ADAMTSL1: variants seen among roughly 807,000 people sequenced by gnomAD.
ADAMTSL1 encodes the protein ADAMTS like 1.
In ADAMTSL1, 126 loss-of-function variants were observed where a neutral mutation model predicts 201.8. The ratio of observed to expected loss-of-function variants is 0.62; its 90% CI spans 0.54 to 0.72. The LOEUF is 0.72. Among genes scored for constraint, ADAMTSL1 ranks in the 30% least tolerant of loss-of-function variants. ADAMTSL1 has a pLI of 0.00. For missense variants in ADAMTSL1, 2,679 were observed against 2,277.8 expected, an observed-to-expected ratio of 1.18 and a Z score of -3.59; for synonymous variants, 1,121 against 903.4, an observed-to-expected ratio of 1.24 and a Z score of -4.32.
intron 1 of ADAMTSL1, among the ~76,000 whole-genome samples, chr9:17,923,335 TCTC>T (rs1826383984): frequency 1.4e-5 from 2 of 144,086 alleles, no homozygotes; most frequent in African/African-American, 5.2e-5. Flanking sequence ...GGTTTGTAGT[TCTC>T]CTTGAAGAGG....
intron 2 of ADAMTSL1, among the ~76,000 whole-genome samples, chr9:18,512,537 T>A (rs2131978551): frequency 6.6e-6 from 1 of 152,290 alleles, no homozygotes; most frequent in East Asian, 1.9e-4. Context: ...ATTTATTGAA[T>A]ACCTACTATG....
intron 2 of ADAMTSL1, among the ~76,000 whole-genome samples, chr9:18,219,192 C>T (rs1830161667): frequency 6.6e-6 from 1 of 151,770 alleles, no homozygotes; most frequent in Admixed American, 6.6e-5. Flanking sequence ...TTTAACTCTT[C>T]AATTTGGATT....
chr9:18,896,350 A>G (rs1420972938), intron 26 of ADAMTSL1, among the ~76,000 whole-genome samples: 1 of 152,190 alleles, frequency 6.6e-6, no homozygotes, highest in Non-Finnish European at 1.5e-5. Context: ...GAAATTCTCA[A>G]TAACTTTATA....
At chr9:18,338,296 T>A (rs4354407) in intron 2 of ADAMTSL1, among the ~76,000 whole-genome samples, 32,870 of 152,012 alleles carry the variant, frequency 0.22, 4,219 homozygotes, top group Admixed American at 0.41. Flanking sequence ...ACAGATGAAT[T>A]TCCCACATGA....
chr9:18,437,290 C>T (rs1819781276), intron 2 of ADAMTSL1, among the ~76,000 whole-genome samples: 1 of 152,078 alleles, frequency 6.6e-6, no homozygotes, highest in Non-Finnish European at 1.5e-5. Context: ...CAAATAGTCA[C>T]CATGGCCTGT....
At chr9:18,199,970 AT>A (rs1397449504) in intron 2 of ADAMTSL1, among the ~76,000 whole-genome samples, 4 of 152,068 alleles carry the variant, frequency 2.6e-5, no homozygotes, top group African/African-American at 9.7e-5. Flanking sequence ...CTCCAAGCTA[AT>A]TATAGCTTGT....
At chr9:18,890,513 C>T in intron 25 of ADAMTSL1, 1 of 456,030 alleles carries the variant, frequency 2.2e-6, no homozygotes, top group Non-Finnish European at 4.4e-6. Flanking sequence ...ATCTGTAGGA[C>T]TTTCATACAA....
chr9:18,678,228 C>A (rs1483631492), intron 10 of ADAMTSL1, among the ~76,000 whole-genome samples: 1 of 152,064 alleles, frequency 6.6e-6, no homozygotes, highest in Non-Finnish European at 1.5e-5. Flanking sequence ...CCAAAAGAGG[C>A]TAAATGTATG....
chr9:18,438,322 T>C (rs1819841668), intron 2 of ADAMTSL1, among the ~76,000 whole-genome samples: 1 of 151,964 alleles, frequency 6.6e-6, no homozygotes, highest in Admixed American at 6.6e-5. Context: ...CTGGTGAAAA[T>C]GGAGCTCCTC....
At chr9:18,161,547 A>G (rs1227268771) in intron 1 of ADAMTSL1, among the ~76,000 whole-genome samples, 1 of 152,084 alleles carries the variant, frequency 6.6e-6, no homozygotes, top group Non-Finnish European at 1.5e-5. Context: ...GAACATGTCA[A>G]TTCTGGATTA....
rs112539146 is a variant in ADAMTSL1, at chr9:18,547,974, GA to G, written c.237+14689del. Among the ~76,000 whole-genome samples, 464 of 151,478 alleles carry G rather than the reference GA, an allele frequency of 3.1e-3. 3 individuals are homozygous for G. The highest frequency in any genetic ancestry group is 0.01 in the African/African-American group (431 of 41,328). On this transcript the variant is annotated intron_variant, in intron 3 of 28. Transcript: ENST00000380548. Reference sequence around the variant, plus strand: ...TGCAAATAAAAATTCCAAAACATAGGAAAAAAATATATATATAATACCAAGA... The same window carrying G: ...TGCAAATAAAAATTCCAAAACATAGGAAAAAATATATATATAATACCAAGA...
chr9:18,731,056 G>A (rs1432847578), intron 15 of ADAMTSL1, among the ~76,000 whole-genome samples: 1 of 152,096 alleles, frequency 6.6e-6, no homozygotes, highest in Non-Finnish European at 1.5e-5. Flanking sequence ...ATCTCAGCAT[G>A]GTTTTTCTTT....
chr9:18,694,658 C>A (rs960258093), intron 13 of ADAMTSL1, among the ~76,000 whole-genome samples: 1 of 152,152 alleles, frequency 6.6e-6, no homozygotes, highest in African/African-American at 2.4e-5. Flanking sequence ...AGGCCTTGGG[C>A]ATCTCCACCC....
intron 7 of ADAMTSL1, among the ~76,000 whole-genome samples, chr9:18,650,240 C>T (rs574285037): frequency 3.1e-4 from 47 of 152,320 alleles, no homozygotes; most frequent in African/African-American, 9.9e-4. Context: ...CTAAGCCCAT[C>T]GGAAAAGTGC....
chr9:18,606,605 A>C (rs1181983889), intron 4 of ADAMTSL1, among the ~76,000 whole-genome samples: 3 of 152,114 alleles, frequency 2.0e-5, no homozygotes, highest in African/African-American at 4.8e-5. Flanking sequence ...AAGAGACTAA[A>C]TCCCAATTCT....
chr9:18,099,348 TATATATA>T (rs1465649262), intron 1 of ADAMTSL1, among the ~76,000 whole-genome samples: 42 of 49,808 alleles, frequency 8.4e-4, no homozygotes, highest in Non-Finnish European at 9.0e-4. Flanking sequence ...TATATATATA[TATATATA>T]TTTTTTTTTT....
At chr9:18,882,515 G>A (rs1409413595) in intron 23 of ADAMTSL1, among the ~76,000 whole-genome samples, 2 of 152,168 alleles carry the variant, frequency 1.3e-5, no homozygotes, top group African/African-American at 2.4e-5. Context: ...CTACAATTAG[G>A]GTTGGAGGGT....
At position 17,983,054 on chromosome 9, in the gene ADAMTSL1, T is replaced by A. The variant is rs547064246; in HGVS notation, c.87+76132T>A. On this transcript the variant is annotated intron_variant, in intron 1 of 29. Transcript: ENST00000680146. Reference sequence around the variant, plus strand: ...ACTATTTTTTTTTTCATTTTCTTTTTCTTTTCTTTCTTTCTTTCTTTCTTT... The same window carrying A: ...ACTATTTTTTTTTTCATTTTCTTTTACTTTTCTTTCTTTCTTTCTTTCTTT... Among the ~76,000 whole-genome samples, 5 of 118,518 alleles carry A rather than the reference T, an allele frequency of 4.2e-5. No individual in the cohort carries two copies. In the South Asian group the frequency reaches 1.4e-3, roughly 34 times the overall value. The allele number at this position is 118,518 out of a possible 152,430, so 77.8% of individuals were successfully genotyped here.
chr9:18,849,763 C>T (rs775593735), intron 23 of ADAMTSL1, among the ~76,000 whole-genome samples: 11 of 152,190 alleles, frequency 7.2e-5, no homozygotes, highest in East Asian at 3.8e-4. Context: ...TTTCCTAAAG[C>T]TTTGCCCACA....
Sources: gnomAD v4.1 joint callset for allele counts (sites outside exome capture counted in the v4.1 genomes callset) on GRCh38, gnomAD v4.1.1 for gene constraint, MANE v1.5 for transcripts, NCBI Gene and HGNC (gene_info 2026-07-23, HGNC 2026-07-21) for gene names.